Variants in FHL2 observed in about 807,000 individuals in gnomAD.
The protein encoded by FHL2 is four and a half LIM domains protein 2.
A neutral mutation model predicts 32.7 loss-of-function variants in FHL2; 20 were observed. The ratio of observed to expected loss-of-function variants is 0.61; its 90% CI spans 0.43 to 0.89. FHL2 has a LOEUF of 0.89. Ranked by LOEUF, FHL2 falls within the 40% of genes least tolerant of loss-of-function variation. The pLI is 0.00. For synonymous variants in FHL2, 123 were observed against 128.1 expected, an observed-to-expected ratio of 0.96 and a Z score of 0.27; for missense variants, 311 against 358.6, an observed-to-expected ratio of 0.87 and a Z score of 1.07.
At chr2:105,417,397 A>G (rs1683964769) in intron 1 of FHL2, among the ~76,000 whole-genome samples, 1 of 142,874 alleles carries the variant, frequency 7.0e-6, no homozygotes, top group East Asian at 2.1e-4. Context: ...GAAAAAAAAA[A>G]TGTGTTGCTG....
chr2:105,428,866 G>A (rs1020188270), intron 1 of FHL2, among the ~76,000 whole-genome samples: 1 of 152,188 alleles, frequency 6.6e-6, no homozygotes, highest in African/African-American at 2.4e-5. Flanking sequence ...TTGGATGGGA[G>A]GCATGTCATG....
chr2:105,409,575 C>T (rs1038948755), intron 1 of FHL2, among the ~76,000 whole-genome samples: 5 of 152,152 alleles, frequency 3.3e-5, no homozygotes, highest in African/African-American at 9.7e-5. Context: ...TTTAAATATG[C>T]GTATGTGCTT....
At chr2:105,375,538 T>G (rs1248561517) in intron 3 of FHL2, 1 of 152,412 alleles carries the variant, frequency 6.6e-6, no homozygotes. Context: ...CTTGGGAAGC[T>G]GAGGCAGGAG....
At chr2:105,392,112 G>A (rs1031402710) in intron 2 of FHL2, among the ~76,000 whole-genome samples, 6 of 152,208 alleles carry the variant, frequency 3.9e-5, no homozygotes, top group African/African-American at 9.6e-5. Flanking sequence ...GGTGCAGCTC[G>A]GAGGTCTGGG....
chr2:105,415,460 C>T (rs1401213), intron 1 of FHL2, among the ~76,000 whole-genome samples: 89,209 of 152,080 alleles, frequency 0.59, 26,945 homozygotes, highest in African/African-American at 0.73. Context: ...GCATTGATTA[C>T]CTGTTAATAA....
intron 4 of FHL2, among the ~76,000 whole-genome samples, chr2:105,372,825 G>A (rs1371494696): frequency 6.6e-6 from 1 of 152,160 alleles, no homozygotes; most frequent in Middle Eastern, 3.4e-3. Context: ...CCAAAGTACT[G>A]GAATTACAGG....
At chr2:105,377,357 G>T (rs56358508) in intron 3 of FHL2, among the ~76,000 whole-genome samples, 1 of 152,178 alleles carries the variant, frequency 6.6e-6, no homozygotes, top group African/African-American at 2.4e-5. Flanking sequence ...TTGGCCAGGC[G>T]AGGTGGCTCA....
At chr2:105,371,343 T>C (rs982954622) in intron 4 of FHL2, among the ~76,000 whole-genome samples, 2 of 152,140 alleles carry the variant, frequency 1.3e-5, no homozygotes, top group African/African-American at 4.8e-5. Context: ...GGGCAAAGAC[T>C]AAGGTTTCCC....
chr2:105,392,812 C>CTTTTT (rs34774107), intron 2 of FHL2, among the ~76,000 whole-genome samples: 17 of 66,020 alleles, frequency 2.6e-4, no homozygotes, highest in Admixed American at 9.0e-4. Context: ...TGCCAGGAAG[C>CTTTTT]TTTTTTTTTT....
rs116160176 is a variant in FHL2, at chr2:105,382,548, G to A, written c.156+3813C>T. ...AAAAGTTCCTACCTATAGGGTGTTA[G>A]GAGAAATTTAGATCATGCAGTTTAG... On this transcript the variant is annotated intron_variant, in intron 3 of 6. Coordinates refer to ENST00000530340, the MANE Select transcript of FHL2 (RefSeq NM_001318895.3). Among the ~76,000 whole-genome samples, 687 of 152,332 alleles carry A rather than the reference G, an allele frequency of 4.5e-3. 4 individuals carry two copies. Among genetic ancestry groups the A allele is most frequent in the Non-Finnish European group, 6.4e-3 (437 of 68,044 alleles).
rs536115727 is a variant in FHL2 at position 105,386,889 on chromosome 2, C to G, written c.-24-349G>C. Among the ~76,000 whole-genome samples, 19 of 151,642 alleles carry G rather than the reference C, an allele frequency of 1.3e-4. 1 individual carries two copies. The South Asian group carries it at 3.8e-3, about 30-fold the overall frequency. ...AAGTGATTCTCCTGCCTCAGCCTCC[C>G]AAGTAGCTGAGATTACAGGCACCTG... On this transcript the variant is annotated intron_variant, in intron 2 of 6. Transcript: ENST00000530340.
chr2:105,423,514 A>G (rs1684168070), intron 1 of FHL2, among the ~76,000 whole-genome samples: 1 of 152,228 alleles, frequency 6.6e-6, no homozygotes, highest in Non-Finnish European at 1.5e-5. Context: ...TTCAAAGATC[A>G]CAGCCATTGA....
At chr2:105,434,896 A>G (rs1684543028) in intron 1 of FHL2, among the ~76,000 whole-genome samples, 1 of 152,266 alleles carries the variant, frequency 6.6e-6, no homozygotes, top group Non-Finnish European at 1.5e-5. Context: ...AATAGACTAA[A>G]TCATTCTGGT....
chr2:105,366,629 C>T (rs975250249), intron 5 of FHL2, among the ~76,000 whole-genome samples: 7 of 152,212 alleles, frequency 4.6e-5, no homozygotes, highest in African/African-American at 1.4e-4. Context: ...GGGTGCAGGT[C>T]GGGGGGCAAC....
chr2:105,424,562 A>G (rs1404153777), intron 1 of FHL2, among the ~76,000 whole-genome samples: 1 of 152,258 alleles, frequency 6.6e-6, no homozygotes, highest in African/African-American at 2.4e-5. Context: ...ATTCTGCTAT[A>G]AAGATACATG....
At chr2:105,393,222 C>T (rs1384271423) in intron 2 of FHL2, among the ~76,000 whole-genome samples, 1 of 152,122 alleles carries the variant, frequency 6.6e-6, no homozygotes, top group Non-Finnish European at 1.5e-5. Flanking sequence ...TTCTCCTCCC[C>T]CTTTGAAACC....
At chr2:105,363,063 T>C in intron 6 of FHL2, 1 of 536,936 alleles carries the variant, frequency 1.9e-6, no homozygotes, top group Non-Finnish European at 3.4e-6. Flanking sequence ...GCACTGGCCA[T>C]ATGGTTGTGA....
rs756835670 is a variant in FHL2, at chr2:105,373,491, G to T, written c.331+68C>A. On this transcript the variant is annotated intron_variant, in intron 4 of 6. Coordinates refer to ENST00000530340, the MANE Select transcript of FHL2 (RefSeq NM_001318895.3). Reference sequence around the variant, plus strand: ...TGGAACCAAGTCAATGTGAACAGGGGGTCAGAGGAACGTGCACAAGGCTTG... The same window carrying T: ...TGGAACCAAGTCAATGTGAACAGGGTGTCAGAGGAACGTGCACAAGGCTTG... 3.2e-6 allele frequency: 5 copies of T among 1,550,434 alleles called. No homozygotes were observed. The Admixed American group carries it at 5.1e-5, about 16-fold the overall frequency.
intron 1 of FHL2, among the ~76,000 whole-genome samples, chr2:105,412,144 A>G (rs1683812311): frequency 6.6e-6 from 1 of 152,250 alleles, no homozygotes; most frequent in Non-Finnish European, 1.5e-5. Context: ...TGTTCATAGC[A>G]GCATTATTCA....
Sources: gnomAD v4.1 joint callset for allele counts (sites outside exome capture counted in the v4.1 genomes callset) on GRCh38, gnomAD v4.1.1 for gene constraint, MANE v1.5 for transcripts, NCBI Gene and HGNC (gene_info 2026-07-23, HGNC 2026-07-21) for gene names.